The following CACNA1D variants were observed in gnomAD, a reference collection of about 807,000 sequenced individuals.
CACNA1D encodes calcium voltage-gated channel subunit alpha1 D, also known as voltage-dependent L-type calcium channel subunit alpha-1D.
In CACNA1D, 55 loss-of-function variants were observed where a neutral mutation model predicts 257.1. That is an observed-to-expected ratio of 0.21 (90% confidence interval 0.17 to 0.27). The LOEUF (loss-of-function observed/expected upper bound fraction) is 0.27. CACNA1D is among the 10% of genes least tolerant of loss of function. The probability of loss-of-function intolerance (pLI) is 1.00; values close to 1 mark genes in which losing one functional copy is unlikely to be tolerated. For missense variants in CACNA1D, 1,876 were observed against 2,784.0 expected (o/e 0.67, Z 7.34); for synonymous variants, 980 against 1,014.9 (o/e 0.97, Z 0.65).
In CACNA1D at chr3:53,811,350, C is replaced by A. The variant is rs1381418461; in HGVS notation, c.6430C>A (p.Pro2144Thr). Residue 2144 changes from proline to threonine, a missense_variant, in exon 48 of 48, where the codon CCT becomes ACT. Transcript: ENST00000350061. The surrounding 1 kb of genome is among the most constrained non-coding windows in gnomAD (Gnocchi z 4.2). The stretch of plus-strand genomic sequence containing the variant: ...TGGCTACAGCGACGAAGAGCCAGAC[C>A]CTGGGAGGGATGAGGAGGACCTGGC... ...GPGYSDEEPD[P>T]GRDEEDLADE... 1.3e-6 allele frequency: 2 copies of A among 1,598,388 alleles called. No individual in the cohort carries two copies. The highest frequency in any genetic ancestry group is 1.7e-6 in the Non-Finnish European group (2 of 1,169,562).
In CACNA1D at chr3:53,678,457, G is replaced by A. The variant is rs141491101; in HGVS notation, c.1220+5331G>A. The stretch of plus-strand genomic sequence containing the variant: ...TTCTAGTAAGTTCCAGATCCTACCA[G>A]ATCACAGGTATCATTTTAAATCAAT... On this transcript the variant is annotated intron_variant, in intron 8 of 47. Transcript: ENST00000350061. Among the ~76,000 whole-genome samples the A allele has an allele frequency of 2.0e-3, 311 of 152,218 alleles. 2 individuals are homozygous for A. Among genetic ancestry groups the A allele is most frequent in the Non-Finnish European group, 3.4e-3 (229 of 68,014 alleles).
In CACNA1D at chr3:53,789,162, T is replaced by C. The variant is rs2095471500; in HGVS notation, c.4923+2210T>C. ...GTTTTTCATTTTATTGTTTATAGAG[T>C]TTCATTTTATTGATGAAATGCAAAC... On this transcript the variant is annotated intron_variant, in intron 40 of 47. Coordinates refer to ENST00000350061, the MANE Select transcript of CACNA1D (RefSeq NM_001128840.3). This position sits in a 1 kb window ranked among gnomAD's most constrained non-coding sequence, Gnocchi z 4.2. 6.6e-6 allele frequency among the ~76,000 whole-genome samples: 1 copy of C among 152,154 alleles called. No individual in the cohort carries two copies. The highest frequency in any genetic ancestry group is 2.4e-5 in the African/African-American group (1 of 41,424).
chr3:53,651,031 C>A, intron 4 of CACNA1D, 113 bp downstream of exon 4: 1 of 954,298 alleles, frequency 1.0e-6, no homozygotes, highest in Non-Finnish European at 1.7e-6. Flanking sequence ...TCTTTTATGC[C>A]AGCTGTTGCA....
chr3:53,752,969 G>T (rs1419419242), intron 28 of CACNA1D, among the ~76,000 whole-genome samples: 1 of 152,220 alleles, frequency 6.6e-6, no homozygotes, highest in East Asian at 1.9e-4. Flanking sequence ...TACTCTACGA[G>T]GACAGGAAGC....
chr3:53,752,030 T>C, intron 28 of CACNA1D, 123 bp downstream of exon 28: 1 of 945,296 alleles, frequency 1.1e-6, no homozygotes, highest in Non-Finnish European at 1.7e-6. Context: ...GAGTCTGGGC[T>C]ATAGGTTGGC....
intron 40 of CACNA1D, among the ~76,000 whole-genome samples, chr3:53,788,471 C>G (rs1213890793): frequency 6.6e-6 from 1 of 152,228 alleles, no homozygotes; most frequent in Non-Finnish European, 1.5e-5. Flanking sequence ...CAGCCCCCCT[C>G]CTGGATTGCA....
At chr3:53,637,641 C>G (rs556491582) in intron 3 of CACNA1D, among the ~76,000 whole-genome samples, 1 of 152,154 alleles carries the variant, frequency 6.6e-6, no homozygotes, top group Non-Finnish European at 1.5e-5. Flanking sequence ...GGTGACGGAG[C>G]CCTCTCTCTA....
intron 3 of CACNA1D, among the ~76,000 whole-genome samples, chr3:53,514,311 G>A (rs934433092): frequency 2.6e-5 from 4 of 151,946 alleles, no homozygotes; most frequent in East Asian, 1.9e-4. Context: ...AACACCAAGC[G>A]GAGGAGGGTA....
intron 3 of CACNA1D, among the ~76,000 whole-genome samples, chr3:53,551,794 C>A (rs1413341272): frequency 1.3e-5 from 2 of 152,198 alleles, no homozygotes; most frequent in Non-Finnish European, 2.9e-5. Context: ...TCCAAACAAA[C>A]TGGCCGTGCC....
At chr3:53,660,479 C>A (rs2094192563) in intron 5 of CACNA1D, among the ~76,000 whole-genome samples, 1 of 152,166 alleles carries the variant, frequency 6.6e-6, no homozygotes, top group Admixed American at 6.5e-5. Context: ...CAGTTATTGT[C>A]ATTCTGATTT....
intron 3 of CACNA1D, among the ~76,000 whole-genome samples, chr3:53,598,125 A>G (rs527370022): frequency 6.6e-6 from 1 of 152,318 alleles, no homozygotes; most frequent in East Asian, 1.9e-4. Context: ...TCAGATTCTG[A>G]TTTGAAAATG....
In CACNA1D at chr3:53,811,602, A is replaced by AGAG. The variant is rs2095601267; in HGVS notation, c.*197_*199dup. The stretch of plus-strand genomic sequence containing the variant: ...CAGGTCCCAAGCGGTTGAGCCTGGC[A>AGAG]GAGTACCATGCGCTCGGCCCCAGCT... On this transcript the variant is annotated 3_prime_UTR_variant, in exon 48 of 48. Transcript: ENST00000350061. This position sits in a 1 kb window ranked among gnomAD's most constrained non-coding sequence, Gnocchi z 4.2. 1.9e-6 allele frequency: 1 copy of AGAG among 537,996 alleles called. No homozygotes were observed. The highest frequency in any genetic ancestry group is 3.2e-6 in the Non-Finnish European group (1 of 308,426). The allele number at this position is 537,996 out of a possible 1,614,324, so 33.3% of individuals were successfully genotyped here. A position where few individuals can be genotyped will look rare whatever the true frequency, so the allele number is the denominator to read the frequency against.
chr3:53,542,975 C>A (rs994523848), intron 3 of CACNA1D, among the ~76,000 whole-genome samples: 11 of 151,840 alleles, frequency 7.2e-5, no homozygotes, highest in African/African-American at 2.4e-4. Context: ...TCGCTTGAAC[C>A]CGGGAGGCGG....
At chr3:53,694,476 C>T (rs2094556080) in intron 8 of CACNA1D, among the ~76,000 whole-genome samples, 3 of 152,156 alleles carry the variant, frequency 2.0e-5, no homozygotes, top group Admixed American at 6.5e-5. Flanking sequence ...GAGCCACAGC[C>T]CCACGGAAGG....
chr3:53,513,625 G>A (rs886450289), intron 3 of CACNA1D, among the ~76,000 whole-genome samples: 4 of 152,092 alleles, frequency 2.6e-5, no homozygotes, highest in African/African-American at 9.7e-5. Flanking sequence ...CTGAGACCCC[G>A]TCTGAAAAAA....
At position 53,673,555 on chromosome 3, in the gene CACNA1D, A is replaced by G. The variant is rs2094345741; in HGVS notation, c.1220+429A>G. Among the ~76,000 whole-genome samples, 1 of 102,416 alleles carries G rather than the reference A, an allele frequency of 9.8e-6. No individual in the cohort carries two copies. Among genetic ancestry groups the G allele is most frequent in the African/African-American group, 5.1e-5 (1 of 19,474 alleles). 67.2% of individuals were successfully genotyped at this position (102,416 alleles called of 152,430 possible). A position where few individuals can be genotyped will look rare whatever the true frequency, so the allele number is the denominator to read the frequency against. On this transcript the variant is annotated intron_variant, in intron 8 of 47. Transcript: ENST00000350061. The surrounding 1 kb of genome is among the most constrained non-coding windows in gnomAD (Gnocchi z 4.1). ...GATTTCAGCCGCTGAGCTTGTCCTT[A>G]TTTGCAGAAAAAAAAAAAAAAAGGG...
intron 9 of CACNA1D, among the ~76,000 whole-genome samples, chr3:53,712,536 A>G (rs1039894012): frequency 6.6e-6 from 1 of 152,186 alleles, no homozygotes; most frequent in Non-Finnish European, 1.5e-5. Flanking sequence ...TAGCATGTGC[A>G]TGTGCCTTTA....
intron 3 of CACNA1D, among the ~76,000 whole-genome samples, chr3:53,593,212 A>G (rs1383973080): frequency 6.6e-6 from 1 of 152,214 alleles, no homozygotes; most frequent in Non-Finnish European, 1.5e-5. Flanking sequence ...CTATAGGTAG[A>G]TAAGGGCAAG....
intron 14 of CACNA1D, 129 bp downstream of exon 14, chr3:53,724,128 C>G: frequency 1.3e-6 from 1 of 772,026 alleles, no homozygotes; most frequent in African/African-American, 1.7e-5. Context: ...CTAATCATAG[C>G]CTGGTAAATT....
Sources: gnomAD v4.1 joint callset for allele counts (sites outside exome capture counted in the v4.1 genomes callset) on GRCh38, gnomAD v4.1.1 for gene constraint, Gnocchi (gnomAD v3.1) non-coding constraint, MANE v1.5 for transcripts, NCBI Gene and HGNC (gene_info 2026-07-23, HGNC 2026-07-21) for gene names.